The following THADA variants were observed in gnomAD, a reference collection of about 807,000 sequenced individuals.
THADA encodes the protein THADA armadillo repeat containing, also known as tRNA (32-2'-O)-methyltransferase regulator THADA.
Under a neutral mutation model 219.8 loss-of-function variants are expected in THADA, and 213 were observed. The observed-to-expected ratio is 0.97, with a 90% CI of 0.87 to 1.09. The LOEUF (loss-of-function observed/expected upper bound fraction) is 1.09, where lower values mean the gene tolerates loss of function less well. THADA is among the 50% of genes least tolerant of loss of function. THADA has a pLI of 0.00. For synonymous variants in THADA, 1,018 were observed against 828.9 expected, an observed-to-expected ratio of 1.23 and a Z score of -3.92; for missense variants, 2,956 against 2,311.3, an observed-to-expected ratio of 1.28 and a Z score of -5.72.
intron 26 of THADA, among the ~76,000 whole-genome samples, chr2:43,482,379 G>A (rs1686333652): frequency 6.6e-6 from 1 of 152,068 alleles, no homozygotes; most frequent in African/African-American, 2.4e-5. Context: ...TCTGTACTAT[G>A]CGACAGGGAC....
Position 43,231,129 on chromosome 2 carries a change from T to A in THADA, c.5681A>T (p.Glu1894Val). The change falls in exon 38 of 38, where the codon GAG becomes GTG. Residue 1894 changes from glutamate to valine, a missense_variant. By Grantham distance (121) the Glu-to-Val change is moderately radical. Coordinates refer to ENST00000405975, the MANE Select transcript of THADA (RefSeq NM_022065.5). ...TGTGAACTCCACTGTCTTCACAAAC[T>A]CAGCAGCTGGTGGAAGCTCTCTGAA... ...QFFRELPPAA[E>V]FVKTVEFTRL... 1.2e-6 allele frequency: 2 copies of A among 1,613,912 alleles called. No homozygotes were observed. Among genetic ancestry groups the A allele is most frequent in the Non-Finnish European group, 1.7e-6 (2 of 1,179,848 alleles).
intron 8 of THADA, among the ~76,000 whole-genome samples, chr2:43,579,549 A>G (rs192476156): frequency 6.6e-6 from 1 of 152,314 alleles, no homozygotes; most frequent in East Asian, 1.9e-4. Flanking sequence ...TTCATCACTG[A>G]TAAGAAAACT....
intron 21 of THADA, among the ~76,000 whole-genome samples, chr2:43,539,445 C>T (rs1250431232): frequency 2.0e-5 from 3 of 152,188 alleles, no homozygotes; most frequent in Non-Finnish European, 4.4e-5. Flanking sequence ...CAGGAATTCT[C>T]CAGTAATGTA....
chr2:43,562,665 T>G (rs1698210622), intron 15 of THADA: 1 of 152,230 alleles, frequency 6.6e-6, no homozygotes, highest in Non-Finnish European at 1.5e-5. Context: ...CTGGTGTAAT[T>G]CTTCTTTAAA....
At chr2:43,276,213 G>C (rs1572877345) in intron 36 of THADA, among the ~76,000 whole-genome samples, 2 of 152,244 alleles carry the variant, frequency 1.3e-5, no homozygotes, top group East Asian at 3.9e-4. Context: ...TCCATGATTG[G>C]TACAGAGTGG....
intron 3 of THADA, among the ~76,000 whole-genome samples, chr2:43,591,412 T>C (rs944882659): frequency 6.6e-6 from 1 of 152,138 alleles, no homozygotes; most frequent in Non-Finnish European, 1.5e-5. Context: ...CCTATTTCAC[T>C]ATTTATTAAC....
chr2:43,525,613 A>G (rs920949575), intron 22 of THADA, among the ~76,000 whole-genome samples: 2 of 152,138 alleles, frequency 1.3e-5, no homozygotes, highest in African/African-American at 4.8e-5. Flanking sequence ...AGGTGCCATA[A>G]ATGCGAGTGA....
chr2:43,499,755 C>T (rs545880089), intron 24 of THADA, among the ~76,000 whole-genome samples: 19 of 151,716 alleles, frequency 1.3e-4, no homozygotes, highest in Admixed American at 3.3e-4. Context: ...ATTTTGAAGA[C>T]GCTACCTACA....
At chr2:43,507,980 T>G (rs955061344) in intron 23 of THADA, among the ~76,000 whole-genome samples, 1 of 152,170 alleles carries the variant, frequency 6.6e-6, no homozygotes, top group Non-Finnish European at 1.5e-5. Context: ...GAAAACGGAC[T>G]CGCACACACA....
intron 25 of THADA, among the ~76,000 whole-genome samples, chr2:43,488,472 G>A (rs1687183775): frequency 6.6e-6 from 1 of 152,056 alleles, no homozygotes; most frequent in South Asian, 2.1e-4. Context: ...CTAGCATAAT[G>A]TTCTCAAGGT....
At chr2:43,402,155 C>A (rs1674929168) in intron 28 of THADA, among the ~76,000 whole-genome samples, 1 of 152,124 alleles carries the variant, frequency 6.6e-6, no homozygotes, top group Non-Finnish European at 1.5e-5. Flanking sequence ...CATCAATGAC[C>A]ACACGATGTG....
At chr2:43,251,964 C>G (rs1669846374) in intron 36 of THADA, among the ~76,000 whole-genome samples, 1 of 152,196 alleles carries the variant, frequency 6.6e-6, no homozygotes, top group African/African-American at 2.4e-5. Context: ...TCCTGATTTT[C>G]CATTCGGGGC....
chr2:43,368,122 AAAAC>A (rs1041413397), intron 29 of THADA, among the ~76,000 whole-genome samples: 3 of 152,126 alleles, frequency 2.0e-5, no homozygotes, highest in South Asian at 2.1e-4. Context: ...CTATCTCACA[AAAAC>A]AAACAAACAA....
intron 29 of THADA, among the ~76,000 whole-genome samples, chr2:43,355,344 C>T (rs764293525): frequency 6.6e-6 from 1 of 152,180 alleles, no homozygotes; most frequent in Non-Finnish European, 1.5e-5. Flanking sequence ...AATTTACATT[C>T]CCACCAACAG....
chr2:43,232,813 A>T lies in THADA; in HGVS notation c.5366T>A (p.Leu1789His), dbSNP rs1667598043. The T allele has an allele frequency of 6.2e-7, 1 of 1,613,076 alleles. No individual in the cohort carries two copies. Among genetic ancestry groups the T allele is most frequent in the Admixed American group, 1.7e-5 (1 of 59,848 alleles). ...ALALAVLCDL[L>H]QQWDQLAPGL... is the part of the protein sequence containing the mutation. ...AGGGGCCAACTGGTCCCACTGCTGG[A>T]GCAGATCACACAGGACGGCCAGGGC... The change falls in exon 37 of 38, where the codon CTC (leucine) becomes CAC (histidine). Residue 1789 changes from leucine to histidine, a missense_variant. By Grantham distance (99) the Leu-to-His change is moderately conservative. Transcript: ENST00000405975.
chr2:43,266,866 C>A (rs190474603), intron 36 of THADA, among the ~76,000 whole-genome samples: 22 of 152,314 alleles, frequency 1.4e-4, no homozygotes, highest in Admixed American at 1.3e-3. Context: ...AGTGGTGGAA[C>A]AGGCAGGGTG....
chr2:43,399,463 C>G (rs984484754), intron 28 of THADA, among the ~76,000 whole-genome samples: 1 of 152,120 alleles, frequency 6.6e-6, no homozygotes, highest in African/African-American at 2.4e-5. Context: ...AATATGCCAA[C>G]AGAAATACAG....
At chr2:43,285,526 A>G (rs1300635617) in intron 35 of THADA, among the ~76,000 whole-genome samples, 1 of 151,768 alleles carries the variant, frequency 6.6e-6, no homozygotes, top group Admixed American at 6.6e-5. Context: ...ACTGTGAGTC[A>G]ATTAAACCTC....
chr2:43,346,736 T>C (rs1223745042), intron 29 of THADA, among the ~76,000 whole-genome samples: 1 of 152,238 alleles, frequency 6.6e-6, no homozygotes, highest in Non-Finnish European at 1.5e-5. Flanking sequence ...AGAGACCAGA[T>C]AGTTCCTTGC....
Sources: allele counts gnomAD v4.1 joint callset (sites outside exome capture counted in the v4.1 genomes callset), GRCh38; gene constraint gnomAD v4.1.1; transcripts MANE v1.5; gene names NCBI Gene and HGNC (gene_info 2026-07-23, HGNC 2026-07-21).